USP53: variants seen among roughly 807,000 people sequenced by gnomAD.
The protein encoded by USP53 is ubiquitin specific peptidase 53, also known as ubiquitin carboxyl-terminal hydrolase 53.
In USP53, 71 loss-of-function variants were observed where a neutral mutation model predicts 94.9. The ratio of observed to expected loss-of-function variants is 0.75; its 90% confidence interval spans 0.62 to 0.91. The LOEUF is 0.91. Ranked by LOEUF, USP53 falls within the 40% of genes least tolerant of loss-of-function variation. The pLI, the probability that USP53 is intolerant of heterozygous loss-of-function variation, is 0.00. For missense variants in USP53, 1,173 were observed against 1,281.0 expected, an observed-to-expected ratio of 0.92 and a Z score of 1.29; for synonymous variants, 375 against 422.7, an observed-to-expected ratio of 0.89 and a Z score of 1.39.
chr4:119,270,306 C>T (rs1358177293), intron 15 of USP53, among the ~76,000 whole-genome samples: 1 of 151,824 alleles, frequency 6.6e-6, no homozygotes, highest in Non-Finnish European at 1.5e-5. Context: ...CCATGTTGCT[C>T]AGAGTGGTCT....
chr4:119,249,619 G>A (rs899019436), intron 7 of USP53, among the ~76,000 whole-genome samples: 3 of 149,628 alleles, frequency 2.0e-5, no homozygotes, highest in Non-Finnish European at 3.0e-5. Context: ...GTATATTTAA[G>A]CCTCCTATTG....
chr4:119,263,939 C>T (rs12506395), intron 12 of USP53, among the ~76,000 whole-genome samples: 43,849 of 151,956 alleles, frequency 0.29, 6,483 homozygotes, highest in East Asian at 0.38. Flanking sequence ...GTGGCACCCA[C>T]CTGTAGTCCC....
Position 119,291,207 on chromosome 4 carries a change from C to A in USP53, c.2294C>A (p.Ser765Tyr). The A allele has an allele frequency of 1.5e-6, 2 of 1,324,904 alleles. No individual in the cohort carries two copies. Among genetic ancestry groups the A allele is most frequent in the South Asian group, 1.2e-5 (1 of 83,180 alleles). 82.1% of individuals were successfully genotyped at this position (1,324,904 alleles called of 1,614,324 possible). A position where few individuals can be genotyped will look rare whatever the true frequency, so the allele number is the denominator to read the frequency against. The change falls in exon 18 of 19, where the codon TCT becomes TAT. Residue 765 changes from serine to tyrosine, a missense_variant. By Grantham distance (144) the Ser-to-Tyr change is moderately radical. Transcript: ENST00000692078. ...ELRNLEAGYK[S>Y]HEFHPESHLQ... ...AGGAATTTGGAAGCAGGCTATAAAT[C>A]TCATGAATTCCACCCAGAATCACAT... is the stretch of plus-strand genomic sequence containing the variant.
At chr4:119,265,858 G>A (rs1319363819) in intron 12 of USP53, among the ~76,000 whole-genome samples, 3 of 152,146 alleles carry the variant, frequency 2.0e-5, no homozygotes, top group African/African-American at 7.2e-5. Flanking sequence ...GGTTGGTTTT[G>A]TTTTGCTTTT....
intron 12 of USP53, among the ~76,000 whole-genome samples, chr4:119,263,558 G>T (rs1750753840): frequency 6.6e-6 from 1 of 152,172 alleles, no homozygotes; most frequent in Non-Finnish European, 1.5e-5. Flanking sequence ...CAAGTTTGGG[G>T]TTAGTTGGGA....
At chr4:119,231,665 T>G (rs1430787651) in intron 3 of USP53, among the ~76,000 whole-genome samples, 4 of 152,130 alleles carry the variant, frequency 2.6e-5, no homozygotes, top group African/African-American at 9.7e-5. Context: ...TGTGATTTAT[T>G]ACAGTGAAAG....
At chr4:119,246,935 T>C (rs965034852) in intron 6 of USP53, among the ~76,000 whole-genome samples, 17 of 151,720 alleles carry the variant, frequency 1.1e-4, no homozygotes, top group Middle Eastern at 6.9e-3. Context: ...CACATACACA[T>C]AGACACACAG....
At chr4:119,282,717 G>T (rs2149462479) in intron 17 of USP53, among the ~76,000 whole-genome samples, 1 of 124,650 alleles carries the variant, frequency 8.0e-6, no homozygotes. Context: ...AGTGATATAG[G>T]AATTTTTTCC....
chr4:119,287,470 G>A (rs925990318), intron 17 of USP53, among the ~76,000 whole-genome samples: 2 of 151,676 alleles, frequency 1.3e-5, no homozygotes, highest in African/African-American at 4.8e-5. Context: ...TCCCCTATAG[G>A]GCAATACCTA....
rs1755158001 is a variant in USP53 at position 119,295,346 on chromosome 4, C to T, written c.*2135C>T. On this transcript the variant is annotated 3_prime_UTR_variant, in exon 19 of 19. Transcript: ENST00000692078. Reference sequence around the variant, plus strand: ...TGTAAAAGTTTTACATCTAGGGTGCCTATTTATTTTTATAGATGCTTTCAT... The same window carrying T: ...TGTAAAAGTTTTACATCTAGGGTGCTTATTTATTTTTATAGATGCTTTCAT... The T allele has an allele frequency of 6.6e-6, 1 of 151,898 alleles. No individual in the cohort carries two copies. The highest frequency in any genetic ancestry group is 1.9e-4 in the East Asian group (1 of 5,194). 9.4% of individuals were successfully genotyped at this position (151,898 alleles called of 1,614,324 possible).
intron 2 of USP53, among the ~76,000 whole-genome samples, chr4:119,216,374 C>G (rs979680110): frequency 1.1e-5 from 1 of 88,960 alleles, no homozygotes; most frequent in Non-Finnish European, 2.2e-5. Context: ...GAGTGAGACT[C>G]TGTCTAAAAA....
At chr4:119,220,286 A>T (rs997977142) in intron 3 of USP53, 5 of 152,064 alleles carry the variant, frequency 3.3e-5, no homozygotes, top group African/African-American at 7.2e-5. Flanking sequence ...ATATATACTA[A>T]AAAAGAGGGA....
At chr4:119,216,083 T>C (rs1743705971) in intron 2 of USP53, among the ~76,000 whole-genome samples, 2 of 152,172 alleles carry the variant, frequency 1.3e-5, no homozygotes, top group African/African-American at 4.8e-5. Context: ...AGTCAAAAGT[T>C]AATTAGACAA....
At chr4:119,214,327 TGG>T (rs1219024963) in intron 2 of USP53, 105 bp downstream of exon 2, 3 of 152,156 alleles carry the variant, frequency 2.0e-5, no homozygotes, top group African/African-American at 7.2e-5. Context: ...TCGTGTTTAC[TGG>T]TGATAAACCA....
At chr4:119,263,799 CG>C (rs1012565868) in intron 12 of USP53, among the ~76,000 whole-genome samples, 4 of 152,028 alleles carry the variant, frequency 2.6e-5, no homozygotes, top group African/African-American at 9.7e-5. Context: ...GGGCTGGTCA[CG>C]GGGGCTCATG....
At chr4:119,241,329 A>C (rs987413995) in intron 5 of USP53, among the ~76,000 whole-genome samples, 1 of 152,138 alleles carries the variant, frequency 6.6e-6, no homozygotes, top group African/African-American at 2.4e-5. Context: ...TCTGGTGCTC[A>C]TCACTTTTTT....
At position 119,261,749 on chromosome 4, in the gene USP53, A is replaced by G; in HGVS notation, c.857A>G (p.Asn286Ser). 6.4e-7 allele frequency: 1 copy of G among 1,564,946 alleles called. No individual in the cohort carries two copies. The highest frequency in any genetic ancestry group is 8.7e-7 in the Non-Finnish European group (1 of 1,145,794). The change falls in exon 12 of 19, where the codon AAT becomes AGT. Residue 286 changes from asparagine (N) to serine (S), a missense_variant. Physicochemically the swap from Asn to Ser is conservative, Grantham distance 46. Transcript: ENST00000692078. ...FYRVTDENAK[N>S]SELNLVGMIC... ...AGAGTTACTGATGAAAATGCCAAAA[A>G]TAGTGAACTTAACCTTGTTGGTATG... is the stretch of plus-strand genomic sequence containing the variant.
rs377337108 is a variant in USP53 at position 119,259,898 on chromosome 4, T to C, written c.648T>C (p.Asn216=). The C allele has an allele frequency of 2.1e-4, 334 of 1,611,642 alleles. 2 individuals are homozygous for C. The highest frequency in any genetic ancestry group is 2.6e-4 in the Non-Finnish European group (306 of 1,178,850). ...EMFAELLQAA[N]TTDDYRKCPS... is the part of the protein sequence containing the mutation. ...TTGCAGAATTGCTACAAGCAGCAAA[T>C]ACAACAGATGACTATAGGAAATGTC... Residue 216 remains asparagine, a synonymous_variant, in exon 10 of 19, where the codon AAT becomes AAC. Transcript: ENST00000692078.
At chr4:119,253,437 C>T (rs1459228360) in intron 7 of USP53, among the ~76,000 whole-genome samples, 1 of 152,192 alleles carries the variant, frequency 6.6e-6, no homozygotes, top group Non-Finnish European at 1.5e-5. Context: ...ATAGTTAGCT[C>T]TTCTTATTGA....
Sources: allele counts gnomAD v4.1 joint callset (sites outside exome capture counted in the v4.1 genomes callset), GRCh38; gene constraint gnomAD v4.1.1; transcripts MANE v1.5; gene names NCBI Gene and HGNC (gene_info 2026-07-23, HGNC 2026-07-21).